PTPN4: variants seen among roughly 807,000 people sequenced by gnomAD.
PTPN4 encodes tyrosine-protein phosphatase non-receptor type 4.
A neutral mutation model predicts 135.5 loss-of-function variants in PTPN4; 49 were observed. That is an observed-to-expected ratio of 0.36 (90% CI 0.29 to 0.46). The LOEUF (loss-of-function observed/expected upper bound fraction) is 0.46, where lower values mean the gene tolerates loss of function less well. PTPN4 is among the 20% of genes least tolerant of loss of function. The pLI is 1.00. For missense variants in PTPN4, 860 were observed against 1,101.0 expected (o/e 0.78, Z 3.10); for synonymous variants, 333 against 369.9 (o/e 0.90, Z 1.14).
Position 119,912,260 on chromosome 2 carries a change from G to A in PTPN4, c.765-2919G>A, listed in dbSNP as rs1378740350. ...GGACAAAAAGTTGGTCAGTGGTTAC[G>A]TAGGCGGGATGGGTTGCTGTGTTGG... On this transcript the variant is annotated intron_variant, in intron 10 of 26. Transcript: ENST00000263708. Among the ~76,000 whole-genome samples, 5 of 152,186 alleles carry A rather than the reference G, an allele frequency of 3.3e-5. No homozygotes were observed. The South Asian group carries it at 6.2e-4, about 19-fold the overall frequency.
chr2:119,804,936 ATCTG>A (rs1460058126), intron 1 of PTPN4, among the ~76,000 whole-genome samples: 72 of 152,278 alleles, frequency 4.7e-4, no homozygotes, highest in Non-Finnish European at 5.1e-4. Flanking sequence ...CCTCTCCAGC[ATCTG>A]TTGTTTCCTG....
intron 2 of PTPN4, among the ~76,000 whole-genome samples, chr2:119,831,619 C>A (rs1343941167): frequency 6.6e-6 from 1 of 152,054 alleles, no homozygotes; most frequent in African/African-American, 2.4e-5. Context: ...AATTCTTTGT[C>A]CCTGTTAAAC....
chr2:119,766,440 A>C (rs1444951288), intron 1 of PTPN4, among the ~76,000 whole-genome samples: 2 of 87,444 alleles, frequency 2.3e-5, no homozygotes, highest in Admixed American at 1.2e-4. Flanking sequence ...GTGTATGCGC[A>C]TGTGCGCGCG....
At chr2:119,874,624 T>C (rs1309000934) in intron 3 of PTPN4, among the ~76,000 whole-genome samples, 1 of 152,114 alleles carries the variant, frequency 6.6e-6, no homozygotes, top group Non-Finnish European at 1.5e-5. Flanking sequence ...GAAGGGTACA[T>C]TGAGACTGAC....
At chr2:119,786,255 ACT>A (rs1449600717) in intron 1 of PTPN4, among the ~76,000 whole-genome samples, 3 of 151,890 alleles carry the variant, frequency 2.0e-5, no homozygotes, top group Admixed American at 6.6e-5. Context: ...AAAAATTATG[ACT>A]CGTATTTTTT....
intron 3 of PTPN4, among the ~76,000 whole-genome samples, chr2:119,866,540 A>C (rs1443645986): frequency 6.6e-6 from 1 of 152,148 alleles, no homozygotes; most frequent in African/African-American, 2.4e-5. Flanking sequence ...TTGCCTTTCA[A>C]ATAAGTTTCC....
intron 9 of PTPN4, among the ~76,000 whole-genome samples, chr2:119,887,643 C>T (rs560674331): frequency 5.3e-5 from 8 of 152,268 alleles, no homozygotes; most frequent in Non-Finnish European, 1.0e-4. Flanking sequence ...TGTCCTTTCC[C>T]CAATGTAAGT....
intron 3 of PTPN4, among the ~76,000 whole-genome samples, chr2:119,867,161 G>A (rs374998700): frequency 1.4e-3 from 207 of 152,234 alleles, no homozygotes; most frequent in African/African-American, 4.3e-3. Context: ...ATGATATCAT[G>A]AAAAGCCTTT....
rs1418301897 is a variant in PTPN4 at position 119,974,273 on chromosome 2, G to T, written c.2695-2711G>T. Among the ~76,000 whole-genome samples, 26 of 152,032 alleles carry T rather than the reference G, an allele frequency of 1.7e-4. 1 individual carries two copies. Among genetic ancestry groups the T allele is most frequent in the Admixed American group, 1.7e-3 (26 of 15,256 alleles). On this transcript the variant is annotated intron_variant, in intron 26 of 26. Coordinates refer to ENST00000263708, the MANE Select transcript of PTPN4 (RefSeq NM_002830.4). ...GTTGCCCAGGCTGGAGTGCAATGGCGCAATCTTGGCTCACTGCAACCTCCG... is the reference window on the plus strand; with the variant it reads ...GTTGCCCAGGCTGGAGTGCAATGGCTCAATCTTGGCTCACTGCAACCTCCG...
intron 12 of PTPN4, among the ~76,000 whole-genome samples, chr2:119,921,800 GC>G (rs1678740315): frequency 6.6e-6 from 1 of 152,098 alleles, no homozygotes; most frequent in African/African-American, 2.4e-5. Context: ...AATCTCCACG[GC>G]TTTATGTGAA....
intron 23 of PTPN4, among the ~76,000 whole-genome samples, chr2:119,961,677 T>C (rs1197794104): frequency 2.6e-5 from 4 of 152,208 alleles, no homozygotes; most frequent in African/African-American, 9.6e-5. Context: ...AAATGTGGTA[T>C]AGTCTTATGG....
chr2:119,859,632 C>T (rs1404411744), intron 2 of PTPN4, among the ~76,000 whole-genome samples: 1 of 152,172 alleles, frequency 6.6e-6, no homozygotes, highest in East Asian at 1.9e-4. Flanking sequence ...CTAGTACCAA[C>T]TCAATAGGGG....
intron 1 of PTPN4, among the ~76,000 whole-genome samples, chr2:119,789,865 G>A (rs1691112138): frequency 6.6e-6 from 1 of 152,036 alleles, no homozygotes; most frequent in Non-Finnish European, 1.5e-5. Context: ...TGGGATTACA[G>A]GTGCATACCA....
intron 11 of PTPN4, among the ~76,000 whole-genome samples, chr2:119,919,574 G>T (rs977964220): frequency 6.6e-6 from 1 of 152,124 alleles, no homozygotes; most frequent in Non-Finnish European, 1.5e-5. Flanking sequence ...TATAATCCCA[G>T]CACTTTGTGA....
At chr2:119,883,575 A>T (rs983273067) in intron 8 of PTPN4, among the ~76,000 whole-genome samples, 9 of 152,208 alleles carry the variant, frequency 5.9e-5, no homozygotes, top group Non-Finnish European at 1.0e-4. Context: ...CAGAATACTC[A>T]GGGAAAAACT....
chr2:119,954,193 AAATG>A (rs1195713507), intron 19 of PTPN4, among the ~76,000 whole-genome samples: 3 of 152,144 alleles, frequency 2.0e-5, no homozygotes, highest in Non-Finnish European at 2.9e-5. Context: ...TTTTCTAAAA[AAATG>A]TATAGATATT....
At position 119,931,732 on chromosome 2, in the gene PTPN4, G is replaced by A. The variant is rs909493075; in HGVS notation, c.1071-692G>A. Among the ~76,000 whole-genome samples the A allele has an allele frequency of 4.6e-5, 7 of 151,650 alleles. No individual in the cohort carries two copies. The East Asian group carries it at 7.7e-4, about 17-fold the overall frequency. ...TGGGATTGCAGCACTGAGCCACCTC[G>A]CGCATCCAAGATCTTTTTTTAAAAC... On this transcript the variant is annotated intron_variant, in intron 13 of 26. Transcript: ENST00000263708.
At chr2:119,961,127 A>C (rs1187192087) in intron 23 of PTPN4, among the ~76,000 whole-genome samples, 174 bp downstream of exon 23, 2 of 152,248 alleles carry the variant, frequency 1.3e-5, no homozygotes, top group Non-Finnish European at 2.9e-5. Context: ...CTAACACATA[A>C]ATAAATGTGA....
At chr2:119,926,737 AAATATTTTTTCT>A (rs1678830755) in intron 13 of PTPN4, 71 bp downstream of exon 13, 1 of 1,214,482 alleles carries the variant, frequency 8.2e-7, no homozygotes, top group Non-Finnish European at 1.2e-6. Context: ...AAGTTTTTCT[AAATATTTTTTCT>A]AAAGTTTTTC....
Sources: gnomAD v4.1 joint callset for allele counts (sites outside exome capture counted in the v4.1 genomes callset) on GRCh38, gnomAD v4.1.1 for gene constraint, MANE v1.5 for transcripts, NCBI Gene and HGNC (gene_info 2026-07-23, HGNC 2026-07-21) for gene names.